EXOC4: variants seen among roughly 807,000 people sequenced by gnomAD.
EXOC4 encodes SEC8-like 1.
A neutral mutation model predicts 107.2 loss-of-function variants in EXOC4; 71 were observed. That is an observed-to-expected ratio of 0.66 (90% CI 0.55 to 0.81). EXOC4 has a LOEUF of 0.81. Ranked by LOEUF, EXOC4 falls within the 30% of genes least tolerant of loss-of-function variation. The pLI, the probability that EXOC4 is intolerant of heterozygous loss-of-function variation, is 0.00. For missense variants in EXOC4, 1,108 were observed against 1,189.6 expected, an observed-to-expected ratio of 0.93 and a Z score of 1.01; for synonymous variants, 456 against 441.2, an observed-to-expected ratio of 1.03 and a Z score of -0.42.
chr7:133,313,741 G>C (rs1393565990), intron 4 of EXOC4, among the ~76,000 whole-genome samples: 1 of 152,186 alleles, frequency 6.6e-6, no homozygotes, highest in African/African-American at 2.4e-5. Context: ...TTACTAGTTG[G>C]ATGTTGGTTA....
At chr7:134,023,638 C>A (rs1164115406) in intron 17 of EXOC4, among the ~76,000 whole-genome samples, 1 of 152,130 alleles carries the variant, frequency 6.6e-6, no homozygotes, top group East Asian at 1.9e-4. Flanking sequence ...AATGACAAGA[C>A]CATGATTCAA....
intron 1 of EXOC4, chr7:133,253,524 TA>T: frequency 9.7e-7 from 1 of 1,035,610 alleles, no homozygotes; most frequent in Non-Finnish European, 1.2e-6. Context: ...AATGCTTGTT[TA>T]TTGTTTGCCT....
chr7:134,010,769 A>C (rs1422457048), intron 17 of EXOC4, among the ~76,000 whole-genome samples: 1 of 152,220 alleles, frequency 6.6e-6, no homozygotes, highest in East Asian at 1.9e-4. Context: ...GAAGTTGCAA[A>C]GTGCTTGTAG....
At chr7:133,938,590 T>A (rs142657522) in intron 14 of EXOC4, among the ~76,000 whole-genome samples, 57 of 152,294 alleles carry the variant, frequency 3.7e-4, no homozygotes, top group African/African-American at 1.2e-3. Context: ...ATTACAGATT[T>A]CAAAGAAATT....
intron 11 of EXOC4, among the ~76,000 whole-genome samples, chr7:133,884,428 G>A (rs1799034002): frequency 6.6e-6 from 1 of 152,124 alleles, no homozygotes; most frequent in Admixed American, 6.5e-5. Context: ...TCGGCCAAGG[G>A]CCTCAGATGT....
chr7:133,806,507 T>C (rs1797080967), intron 10 of EXOC4, among the ~76,000 whole-genome samples: 1 of 152,220 alleles, frequency 6.6e-6, no homozygotes, highest in Non-Finnish European at 1.5e-5. Context: ...GTCTTTGATA[T>C]ATTCAAATGC....
the EXOC4 span, among the ~76,000 whole-genome samples, chr7:134,074,941 G>A: frequency 6.6e-6 from 1 of 152,174 alleles, no homozygotes; most frequent in African/African-American, 2.4e-5. Flanking sequence ...AAAAACAAGT[G>A]GAGCTAGAGA....
At chr7:133,881,957 A>G (rs889663143) in intron 11 of EXOC4, among the ~76,000 whole-genome samples, 2 of 152,186 alleles carry the variant, frequency 1.3e-5, no homozygotes, top group African/African-American at 4.8e-5. Flanking sequence ...CTTAACCTGC[A>G]TTCATGTAAC....
chr7:133,730,271 T>C (rs1023343338), intron 10 of EXOC4, among the ~76,000 whole-genome samples: 3 of 151,092 alleles, frequency 2.0e-5, no homozygotes, highest in Non-Finnish European at 3.0e-5. Context: ...ATTGCAACAA[T>C]ATGACAATCT....
intron 9 of EXOC4, among the ~76,000 whole-genome samples, chr7:133,578,626 G>T (rs1197382977): frequency 1.3e-5 from 2 of 152,150 alleles, no homozygotes; most frequent in Non-Finnish European, 2.9e-5. Flanking sequence ...CGATTAATTT[G>T]CATAAATGTA....
chr7:133,658,999 G>GTTTTT (rs1442463291), intron 10 of EXOC4, among the ~76,000 whole-genome samples: 1 of 64,882 alleles, frequency 1.5e-5, no homozygotes, highest in Admixed American at 1.9e-4. Flanking sequence ...CTTCAGAGAA[G>GTTTTT]CTTTTTTTTT....
At chr7:133,337,694 C>T (rs1215621586) in intron 5 of EXOC4, among the ~76,000 whole-genome samples, 2 of 142,834 alleles carry the variant, frequency 1.4e-5, no homozygotes, top group Non-Finnish European at 3.0e-5. Context: ...AGTACAGTGG[C>T]GCGATCTTGG....
rs555317924 is a variant in EXOC4, at chr7:133,910,343, T to C, written c.1872-7240T>C. On this transcript the variant is annotated intron_variant, in intron 12 of 17. Coordinates refer to ENST00000253861, the MANE Select transcript of EXOC4 (RefSeq NM_021807.4). ...ATATGAGAACTTGTCTATTTAAAGGTTGTTACTAAATTATCCCCAAGAGTT... is the reference window on the plus strand; with the variant it reads ...ATATGAGAACTTGTCTATTTAAAGGCTGTTACTAAATTATCCCCAAGAGTT... 2.8e-4 allele frequency among the ~76,000 whole-genome samples: 42 copies of C among 152,278 alleles called. No homozygotes were observed. In the South Asian group the frequency reaches 8.5e-3, roughly 31 times the overall value.
chr7:133,725,972 G>T (rs1371634614), intron 10 of EXOC4, among the ~76,000 whole-genome samples: 2 of 152,202 alleles, frequency 1.3e-5, no homozygotes, highest in East Asian at 3.9e-4. Context: ...AAAAGGAGTT[G>T]CTATTCACTG....
intron 14 of EXOC4, among the ~76,000 whole-genome samples, chr7:133,982,192 A>G (rs761671344): frequency 1.3e-5 from 2 of 152,192 alleles, no homozygotes; most frequent in Non-Finnish European, 2.9e-5. Flanking sequence ...ACAAACCCCC[A>G]TGACGCAAAT....
In EXOC4 at chr7:133,741,061, A is replaced by G. The variant is rs562384869; in HGVS notation, c.1515-76264A>G. Among the ~76,000 whole-genome samples, 3 of 152,350 alleles carry G rather than the reference A, an allele frequency of 2.0e-5. No individual in the cohort carries two copies. The East Asian group carries it at 5.8e-4, about 29-fold the overall frequency. On this transcript the variant is annotated intron_variant, in intron 10 of 17. Coordinates refer to ENST00000253861, the MANE Select transcript of EXOC4 (RefSeq NM_021807.4). ...TGGAGCTAGAACTTAAATCCAGCCCATCTAACAATAAATTCAAAGCTCTTT... is the reference window on the plus strand; with the variant it reads ...TGGAGCTAGAACTTAAATCCAGCCCGTCTAACAATAAATTCAAAGCTCTTT...
At chr7:133,800,715 A>G (rs933057712) in intron 10 of EXOC4, among the ~76,000 whole-genome samples, 3 of 152,202 alleles carry the variant, frequency 2.0e-5, no homozygotes, top group Non-Finnish European at 2.9e-5. Context: ...ATTGCTTTCA[A>G]AGTTTAGATG....
In EXOC4 at chr7:134,021,329, C is replaced by G. The variant is rs117838261; in HGVS notation, c.2687+13494C>G. 3.5e-4 allele frequency among the ~76,000 whole-genome samples: 54 copies of G among 152,244 alleles called. 4 individuals are homozygous for G. In the East Asian group the frequency reaches 0.01, roughly 29 times the overall value. Reference sequence around the variant, plus strand: ...GCCTGTTTCTTTTCATAGTCAAGATCGTGCTTAAAGCATTTGCTCACCACA... The same window carrying G: ...GCCTGTTTCTTTTCATAGTCAAGATGGTGCTTAAAGCATTTGCTCACCACA... On this transcript the variant is annotated intron_variant, in intron 17 of 17. Transcript: ENST00000253861.
At chr7:134,097,310 A>AT in the EXOC4 span, among the ~76,000 whole-genome samples, 1 of 151,852 alleles carries the variant, frequency 6.6e-6, no homozygotes, top group Non-Finnish European at 1.5e-5. Context: ...CTCCTCCATG[A>AT]TTTTGTCAGG....
Sources: gnomAD v4.1 joint callset for allele counts (sites outside exome capture counted in the v4.1 genomes callset) on GRCh38, gnomAD v4.1.1 for gene constraint, MANE v1.5 for transcripts, NCBI Gene and HGNC (gene_info 2026-07-23, HGNC 2026-07-21) for gene names.